The following CHFR variants were observed in gnomAD, a reference collection of about 807,000 sequenced individuals.
The protein encoded by CHFR is checkpoint with forkhead and ring finger domains.
In CHFR, 57 loss-of-function variants were observed where a neutral mutation model predicts 87.6. That is an observed-to-expected ratio of 0.65 (90% CI 0.53 to 0.81). The LOEUF is 0.81. Ranked by LOEUF, CHFR falls within the 30% of genes least tolerant of loss-of-function variation. CHFR has a pLI of 0.00. For missense variants in CHFR, 797 were observed against 865.8 expected (o/e 0.92, Z 1.00); for synonymous variants, 381 against 359.2 (o/e 1.06, Z -0.69).
intron 14 of CHFR, 74 bp from the exon 15 acceptor site, chr12:132,847,204 AT>A (rs1217055696): frequency 6.3e-6 from 10 of 1,586,540 alleles, no homozygotes; most frequent in Non-Finnish European, 8.6e-6. Flanking sequence ...GAGAGAAAAC[AT>A]TTCATAAAAG....
chr12:132,876,955 C>T (rs12371596), intron 3 of CHFR, among the ~76,000 whole-genome samples: 26,145 of 152,024 alleles, frequency 0.17, 2,351 homozygotes, highest in Middle Eastern at 0.23. Flanking sequence ...CCACAACGCC[C>T]GGCTAATTTT....
chr12:132,876,206 C>T (rs1014753053), intron 3 of CHFR, among the ~76,000 whole-genome samples: 11 of 151,762 alleles, frequency 7.2e-5, no homozygotes, highest in Non-Finnish European at 1.0e-4. Context: ...AAAAAGCTGA[C>T]GCTACAACAG....
chr12:132,853,450 C>T lies in CHFR; in HGVS notation c.1353G>A (p.Thr451=), dbSNP rs746380972. The T allele has an allele frequency of 1.5e-5, 23 of 1,533,898 alleles. No individual in the cohort carries two copies. Among genetic ancestry groups the T allele is most frequent in the Admixed American group, 1.1e-4 (5 of 43,872 alleles). Residue 451 remains threonine, a synonymous_variant, in exon 11 of 18, where the codon ACG becomes ACA. Coordinates refer to ENST00000450056, the MANE Select transcript of CHFR (RefSeq NM_001161346.2). ...APQALGDAPS[T]SVSLTTAVQD... ...GCTCACCTGTCGTCAGGCTGACGGA[C>T]GTGGAGGGTGCATCCCCCAGGGCCT... is the stretch of plus-strand genomic sequence containing the variant.
At chr12:132,862,229 C>T (rs1227741254) in intron 6 of CHFR, 6 of 233,418 alleles carry the variant, frequency 2.6e-5, no homozygotes, top group African/African-American at 9.5e-5. Flanking sequence ...GAGCCAAGAT[C>T]GTGCCACTGC....
At chr12:132,872,038 GC>G (rs1951502100) in intron 4 of CHFR, 2 of 453,622 alleles carry the variant, frequency 4.4e-6, no homozygotes, top group South Asian at 8.9e-5. Context: ...CTCCTTGGCT[GC>G]CATTTTGGGA....
intron 12 of CHFR, among the ~76,000 whole-genome samples, chr12:132,851,048 T>A (rs1308186767): frequency 2.0e-5 from 3 of 151,116 alleles, no homozygotes; most frequent in Admixed American, 1.3e-4. Context: ...TGGAGTACAG[T>A]GGCACGATCT....
Position 132,835,267 on chromosome 12 carries a change from C to T in CHFR, c.*6287G>A, listed in dbSNP as rs919459013. ...GTGGGGTTTGCCAAACAACAACAAA[C>T]AAAACCACCCAATTTTTATAAAACC... On this transcript the variant is annotated 3_prime_UTR_variant, in exon 18 of 18. Transcript: ENST00000450056. The T allele has an allele frequency of 5.9e-5, 9 of 152,190 alleles. No homozygotes were observed. Among genetic ancestry groups the T allele is most frequent in the African/African-American group, 2.2e-4 (9 of 41,428 alleles). The allele number at this position is 152,190 out of a possible 1,614,324, so 9.4% of individuals were successfully genotyped here.
intron 2 of CHFR, among the ~76,000 whole-genome samples, chr12:132,885,271 C>T (rs1448543550): frequency 2.9e-5 from 4 of 136,586 alleles, no homozygotes; most frequent in Admixed American, 7.4e-5. Flanking sequence ...CACTGCCAGG[C>T]GTGGTGGTGG....
chr12:132,839,862 G>A lies in CHFR; in HGVS notation c.*1692C>T, dbSNP rs12815689. The A allele has an allele frequency of 7.3e-4, 61 of 83,360 alleles. No homozygotes were observed. The highest frequency in any genetic ancestry group is 2.4e-3 in the African/African-American group (46 of 19,488). The allele number at this position is 83,360 out of a possible 1,614,324, so 5.2% of individuals were successfully genotyped here. A position where few individuals can be genotyped will look rare whatever the true frequency, so the allele number is the denominator to read the frequency against. ...ACTCGGGATCTCCCCTCTCAGCCTC[G>A]CCCCTGCACTAACTTGGGACCTCCC... On this transcript the variant is annotated 3_prime_UTR_variant, in exon 18 of 18. Coordinates refer to ENST00000450056, the MANE Select transcript of CHFR (RefSeq NM_001161346.2).
intron 2 of CHFR, among the ~76,000 whole-genome samples, chr12:132,882,503 G>A (rs537762517): frequency 4.6e-5 from 7 of 152,148 alleles, no homozygotes; most frequent in South Asian, 2.1e-4. Context: ...CCATGAAACC[G>A]GATATTAAAA....
rs543766232 is a variant in CHFR at position 132,835,636 on chromosome 12, C to T, written c.*5918G>A. 20 of 191,120 alleles carry T rather than the reference C, an allele frequency of 1.0e-4. No homozygotes were observed. In the East Asian group the frequency reaches 2.7e-3, roughly 26 times the overall value. The allele number at this position is 191,120 out of a possible 1,614,324, so 11.8% of individuals were successfully genotyped here. A position where few individuals can be genotyped will look rare whatever the true frequency, so the allele number is the denominator to read the frequency against. On this transcript the variant is annotated 3_prime_UTR_variant, in exon 18 of 18. Coordinates refer to ENST00000450056, the MANE Select transcript of CHFR (RefSeq NM_001161346.2). ...CCAAGGAGACAGACCAAAGAGGAAC[C>T]GGCCCCGCTGACACCCTGATCTCAG...
In CHFR at chr12:132,859,057, C is replaced by T; in HGVS notation, c.911+11G>A. On this transcript the variant is annotated intron_variant, in intron 8 of 17. Transcript: ENST00000450056. ...CCATGTTCCGTGAGCCAAGGGTGAA[C>T]ACGGTCGCACCTCACGCAGTCGTGC... 1.2e-6 allele frequency: 2 copies of T among 1,609,694 alleles called. No individual in the cohort carries two copies. Among genetic ancestry groups the T allele is most frequent in the Non-Finnish European group, 1.7e-6 (2 of 1,177,518 alleles).
In CHFR at chr12:132,856,267, C is replaced by T. The variant is rs545093760; in HGVS notation, c.1229+201G>A. ...CCTGGCTACCCCGCTAAGTGTTCAC[C>T]CAGTCCCTGCCACGCCTCTCAGGGG... On this transcript the variant is annotated intron_variant, in intron 10 of 17. Coordinates refer to ENST00000450056, the MANE Select transcript of CHFR (RefSeq NM_001161346.2). Among the ~76,000 whole-genome samples the T allele has an allele frequency of 2.6e-5, 4 of 152,326 alleles. No individual in the cohort carries two copies. The East Asian group carries it at 7.7e-4, about 29-fold the overall frequency.
chr12:132,847,827 C>T (rs568625063), intron 14 of CHFR: 6 of 1,327,272 alleles, frequency 4.5e-6, no homozygotes, highest in Admixed American at 6.4e-5. Context: ...ACAAGAGCTG[C>T]GGGAAGCGGC....
intron 3 of CHFR, among the ~76,000 whole-genome samples, chr12:132,876,019 AC>A (rs1566201928): frequency 6.6e-6 from 1 of 152,062 alleles, no homozygotes; most frequent in Admixed American, 6.6e-5. Context: ...TACTAAAAAC[AC>A]AAAAAAATAG....
chr12:132,853,777 T>C, intron 10 of CHFR: 1 of 565,422 alleles, frequency 1.8e-6, no homozygotes, highest in Non-Finnish European at 3.0e-6. Flanking sequence ...GACACGCCAC[T>C]CTGCATCCCC....
rs1951153233 is a variant in CHFR, at chr12:132,859,084, G to A, written c.895C>T (p.Leu299=). ...TLTCIICQDL[L]HDCVSLQPCM... ...CGGTCGCACCTCACGCAGTCGTGCA[G>A]CAGGTCCTGGCAGATGATGCATGTC... Residue 299 remains leucine (L), a synonymous_variant, in exon 8 of 18, where the codon CTG becomes TTG. Transcript: ENST00000450056. The A allele has an allele frequency of 1.2e-6, 2 of 1,613,652 alleles. No homozygotes were observed. Among genetic ancestry groups the A allele is most frequent in the African/African-American group, 2.7e-5 (2 of 74,948 alleles).
Position 132,865,818 on chromosome 12 carries a change from C to G in CHFR, c.583+3801G>C, listed in dbSNP as rs747198621. The G allele has an allele frequency of 6.6e-5, 10 of 151,994 alleles. No individual in the cohort carries two copies. The East Asian group carries it at 1.9e-3, about 29-fold the overall frequency. 9.4% of individuals were successfully genotyped at this position (151,994 alleles called of 1,614,324 possible). ...GGGATTACAGGCATGCACCACCACA[C>G]CCGGCTAATTTTTGTATTTTTTATA... On this transcript the variant is annotated intron_variant, in intron 6 of 17. Transcript: ENST00000450056.
chr12:132,855,528 G>A (rs1256411914), intron 10 of CHFR, among the ~76,000 whole-genome samples: 2 of 151,134 alleles, frequency 1.3e-5, no homozygotes, highest in African/African-American at 4.9e-5. Flanking sequence ...TTAGCTGGGT[G>A]TGGTGGCATG....
Sources: gnomAD v4.1 joint callset for allele counts (sites outside exome capture counted in the v4.1 genomes callset) on GRCh38, gnomAD v4.1.1 for gene constraint, MANE v1.5 for transcripts, NCBI Gene and HGNC (gene_info 2026-07-23, HGNC 2026-07-21) for gene names.